RBFOX3: variants seen among roughly 807,000 people sequenced by gnomAD.
RBFOX3 encodes RNA binding protein fox-1 homolog 3.
RBFOX3 carries 17 observed loss-of-function variants against 48.7 expected under a neutral mutation model. That is an observed-to-expected ratio of 0.35 (90% CI 0.24 to 0.52). RBFOX3 has a LOEUF of 0.52. RBFOX3 is among the 20% of genes least tolerant of loss of function. The pLI, the probability that RBFOX3 is intolerant of heterozygous loss-of-function variation, is 0.94. For synonymous variants in RBFOX3, 212 were observed against 209.5 expected (o/e 1.01, Z -0.10); for missense variants, 382 against 497.5 (o/e 0.77, Z 2.21).
In RBFOX3 at chr17:79,420,176, A is replaced by AC. The variant is rs1568218047; in HGVS notation, c.-175+62277_-175+62278insG. On this transcript the variant is annotated intron_variant, in intron 2 of 14. Coordinates refer to ENST00000693108, the MANE Select transcript of RBFOX3 (RefSeq NM_001350451.2). Reference sequence around the variant, plus strand: ...ACACACACACACACACACACACACAAAAGATGGTTAACAGGTGTGCCTCCT... The same window carrying AC: ...ACACACACACACACACACACACACAACAAGATGGTTAACAGGTGTGCCTCCT... 3.1e-3 allele frequency among the ~76,000 whole-genome samples: 118 copies of AC among 37,592 alleles called. 2 individuals are homozygous for AC. Among genetic ancestry groups the AC allele is most frequent in the Middle Eastern group, 0.021 (1 of 48 alleles). 24.7% of individuals were successfully genotyped at this position (37,592 alleles called of 152,430 possible).
At position 79,103,247 on chromosome 17, in the gene RBFOX3, C is replaced by G; in HGVS notation, c.422G>C (p.Gly141Ala). The change falls in exon 8 of 15, where the codon GGG (glycine) becomes GCG (alanine). Residue 141 changes from glycine to alanine, a missense_variant. Coordinates refer to ENST00000693108, the MANE Select transcript of RBFOX3 (RefSeq NM_001350451.2). The surrounding 1 kb of genome is among the most constrained non-coding windows in gnomAD (Gnocchi z 6.1). ...TGAGCTAGTTTCAAAAGTTACAAACCCAAAACCCTGTGAGCAGAGGAGAGG... is the reference window on the plus strand; with the variant it reads ...TGAGCTAGTTTCAAAAGTTACAAACGCAAAACCCTGTGAGCAGAGGAGAGG... ...IFNERGSKGF[G>A]FVTFETSSDA... is the part of the protein sequence containing the mutation. The G allele has an allele frequency of 6.4e-7, 1 of 1,550,992 alleles. No homozygotes were observed. The highest frequency in any genetic ancestry group is 8.7e-7 in the Non-Finnish European group (1 of 1,146,704).
In RBFOX3 at chr17:79,111,033, G is replaced by A. The variant is rs1177166497; in HGVS notation, c.223-4245C>T. On this transcript the variant is annotated intron_variant, in intron 5 of 14. Coordinates refer to ENST00000693108, the MANE Select transcript of RBFOX3 (RefSeq NM_001350451.2). The surrounding 1 kb of genome is among the most constrained non-coding windows in gnomAD (Gnocchi z 4.2). Reference sequence around the variant, plus strand: ...TCCTGGCTGAGGGGAGAGGGCCTTGGCCAGACTGTGAAGCCTGTAGTTATA... The same window carrying A: ...TCCTGGCTGAGGGGAGAGGGCCTTGACCAGACTGTGAAGCCTGTAGTTATA... Among the ~76,000 whole-genome samples the A allele has an allele frequency of 6.6e-6, 1 of 152,260 alleles. No homozygotes were observed. The highest frequency in any genetic ancestry group is 1.5e-5 in the Non-Finnish European group (1 of 68,044).
At chr17:79,464,501 A>G (rs1954621676) in intron 2 of RBFOX3, among the ~76,000 whole-genome samples, 1 of 152,214 alleles carries the variant, frequency 6.6e-6, no homozygotes, top group African/African-American at 2.4e-5. Context: ...CGGCCCGAGG[A>G]CAGGCGACAG....
intron 2 of RBFOX3, among the ~76,000 whole-genome samples, chr17:79,328,188 G>C (rs1210402106): frequency 6.6e-6 from 1 of 152,244 alleles, no homozygotes; most frequent in Admixed American, 6.5e-5. Flanking sequence ...TGTGTGTCTG[G>C]AACGGAGATG....
chr17:79,092,673 A>G lies in RBFOX3; in HGVS notation c.1077+1778T>C, dbSNP rs576205421. On this transcript the variant is annotated intron_variant, in intron 14 of 14. Transcript: ENST00000693108. ...CATCAAAGATGAAAAACAGCCAATC[A>G]GTACCGTCTTTTGGAAGAGGGGAAA... 1.2e-5 allele frequency: 12 copies of G among 964,196 alleles called. No individual in the cohort carries two copies. In the East Asian group the frequency reaches 8.1e-4, roughly 65 times the overall value. The allele number at this position is 964,196 out of a possible 1,614,324, so 59.7% of individuals were successfully genotyped here.
chr17:79,461,191 G>A (rs558688805), intron 2 of RBFOX3, among the ~76,000 whole-genome samples: 11 of 152,328 alleles, frequency 7.2e-5, no homozygotes, highest in Admixed American at 1.3e-4. Context: ...AGGACCCAGC[G>A]TGATGACTAA....
intron 2 of RBFOX3, among the ~76,000 whole-genome samples, chr17:79,344,615 C>T (rs1347261646): frequency 6.6e-6 from 1 of 151,892 alleles, no homozygotes; most frequent in African/African-American, 2.4e-5. Context: ...AGTGCGGTGG[C>T]ACAATCTTGG....
intron 2 of RBFOX3, among the ~76,000 whole-genome samples, chr17:79,422,302 G>A (rs1290671013): frequency 1.3e-5 from 2 of 152,032 alleles, no homozygotes; most frequent in South Asian, 2.1e-4. Flanking sequence ...CTATGGCCTC[G>A]CTGGCAACTG....
upstream of RBFOX3, among the ~76,000 whole-genome samples, chr17:79,611,213 C>CTCTG (rs1399907807): frequency 1.0e-4 from 13 of 125,538 alleles, no homozygotes; most frequent in African/African-American, 3.9e-4. Context: ...CTCTCTCTCT[C>CTCTG]GTTCCTCTGG....
chr17:79,141,677 C>T (rs902704212), intron 4 of RBFOX3, among the ~76,000 whole-genome samples: 2 of 152,136 alleles, frequency 1.3e-5, no homozygotes, highest in Non-Finnish European at 2.9e-5. Flanking sequence ...GGGGGTCCCT[C>T]GGTAAGTCCT....
intron 2 of RBFOX3, among the ~76,000 whole-genome samples, chr17:79,414,775 G>A (rs765578492): frequency 5.3e-5 from 8 of 149,918 alleles, no homozygotes; most frequent in Non-Finnish European, 1.0e-4. Context: ...CTGCACTCCC[G>A]CTGGCGCGAA....
intron 4 of RBFOX3, among the ~76,000 whole-genome samples, chr17:79,138,397 ACT>A (rs747130287): frequency 6.6e-5 from 10 of 151,904 alleles, no homozygotes; most frequent in South Asian, 4.2e-4. Flanking sequence ...CACAGTGCAC[ACT>A]CTCATACTGT....
chr17:79,144,896 G>A (rs1314882312), intron 4 of RBFOX3, among the ~76,000 whole-genome samples: 5 of 152,202 alleles, frequency 3.3e-5, no homozygotes, highest in South Asian at 2.1e-4. Flanking sequence ...CAGACGGGCC[G>A]CTGCCTACCC....
intron 3 of RBFOX3, among the ~76,000 whole-genome samples, chr17:79,291,872 C>T (rs944183030): frequency 6.6e-6 from 1 of 152,170 alleles, no homozygotes; most frequent in South Asian, 2.1e-4. Context: ...AACTAGGGCG[C>T]CACATGATTT....
the RBFOX3 span, among the ~76,000 whole-genome samples, chr17:79,620,457 ACACACATGCACACGTGCACACACG>A: frequency 6.7e-6 from 1 of 149,172 alleles, no homozygotes. Context: ...ACACATGCGC[ACACACATGCACACGTGCACACACG>A]CACGTGCACA....
In RBFOX3 at chr17:79,477,190, G is replaced by A. The variant is rs1215051312; in HGVS notation, c.-175+5264C>T. 2.0e-4 allele frequency among the ~76,000 whole-genome samples: 29 copies of A among 142,962 alleles called. No homozygotes were observed. The highest frequency in any genetic ancestry group is 5.0e-4 in the Admixed American group (7 of 14,114). 93.8% of individuals were successfully genotyped at this position (142,962 alleles called of 152,430 possible). A position where few individuals can be genotyped will look rare whatever the true frequency, so the allele number is the denominator to read the frequency against. On this transcript the variant is annotated intron_variant, in intron 2 of 14. Coordinates refer to ENST00000693108, the MANE Select transcript of RBFOX3 (RefSeq NM_001350451.2). This position sits in a 1 kb window ranked among gnomAD's most constrained non-coding sequence, Gnocchi z 4.8. ...AGAGGTTGCAGTGAGCTGAGATCGC[G>A]CCACTGCACTCCAGCCTGGGTGAAA...
intron 2 of RBFOX3, among the ~76,000 whole-genome samples, chr17:79,387,677 C>T (rs2060748405): frequency 6.6e-6 from 1 of 152,200 alleles, no homozygotes; most frequent in Admixed American, 6.5e-5. Context: ...GACTGGGGGC[C>T]CCCAGGCTGG....
the RBFOX3 span, among the ~76,000 whole-genome samples, chr17:79,626,647 C>G: frequency 1.3e-5 from 2 of 152,250 alleles, no homozygotes; most frequent in Admixed American, 1.3e-4. Flanking sequence ...ACTCTCCCAC[C>G]GATGGGATAT....
chr17:79,599,127 C>T (rs1478135009), intron 1 of RBFOX3: 1 of 152,280 alleles, frequency 6.6e-6, no homozygotes, highest in African/African-American at 2.4e-5. Flanking sequence ...ATATTCATCC[C>T]AAGACACCCA....
Sources: gnomAD v4.1 joint callset for allele counts (sites outside exome capture counted in the v4.1 genomes callset) on GRCh38, gnomAD v4.1.1 for gene constraint, Gnocchi (gnomAD v3.1) non-coding constraint, MANE v1.5 for transcripts, NCBI Gene and HGNC (gene_info 2026-07-23, HGNC 2026-07-21) for gene names.